Variants in SDK1 observed in about 807,000 individuals in gnomAD.
SDK1 encodes sidekick cell adhesion molecule 1.
Under a neutral mutation model 245.5 loss-of-function variants are expected in SDK1, and 157 were observed. The observed-to-expected ratio is 0.64, with a 90% CI of 0.56 to 0.73. The LOEUF (loss-of-function observed/expected upper bound fraction) is 0.73. Ranked by LOEUF, SDK1 falls within the 30% of genes least tolerant of loss-of-function variation. The pLI, the probability that SDK1 is intolerant of heterozygous loss-of-function variation, is 0.00. For synonymous variants in SDK1, 1,647 were observed against 1,278.5 expected, an observed-to-expected ratio of 1.29 and a Z score of -6.15; for missense variants, 3,583 against 3,002.3, an observed-to-expected ratio of 1.19 and a Z score of -4.52.
At chr7:4,248,200 A>G (rs1369410879) in intron 44 of SDK1, among the ~76,000 whole-genome samples, 1 of 152,136 alleles carries the variant, frequency 6.6e-6, no homozygotes, top group Non-Finnish European at 1.5e-5. Flanking sequence ...GCACGGACAC[A>G]TACACACCTG....
chr7:3,894,853 G>C (rs942283177), intron 5 of SDK1, among the ~76,000 whole-genome samples: 4 of 151,784 alleles, frequency 2.6e-5, no homozygotes, highest in Admixed American at 2.0e-4. Context: ...ACCATGCCTG[G>C]CTAATTTTTT....
intron 40 of SDK1, among the ~76,000 whole-genome samples, chr7:4,226,780 C>T (rs928490192): frequency 1.3e-5 from 2 of 152,186 alleles, no homozygotes; most frequent in Non-Finnish European, 2.9e-5. Flanking sequence ...ACAGATTATT[C>T]TAAGGCATTT....
chr7:3,841,110 A>G (rs1456634551), intron 5 of SDK1, among the ~76,000 whole-genome samples: 1 of 152,142 alleles, frequency 6.6e-6, no homozygotes, highest in Non-Finnish European at 1.5e-5. Flanking sequence ...CGAATGTGTG[A>G]CCAGTTTTAC....
chr7:4,246,823 G>A (rs575858676), intron 44 of SDK1, among the ~76,000 whole-genome samples: 6 of 152,262 alleles, frequency 3.9e-5, no homozygotes, highest in Non-Finnish European at 7.4e-5. Context: ...GGCCTCCCCT[G>A]CGCCTGGGTG....
chr7:4,098,751 C>T (rs1419154552), intron 22 of SDK1, among the ~76,000 whole-genome samples: 1 of 151,644 alleles, frequency 6.6e-6, no homozygotes, highest in East Asian at 1.9e-4. Flanking sequence ...GCAGCCTCAA[C>T]CTCCCAAGCT....
intron 13 of SDK1, among the ~76,000 whole-genome samples, chr7:3,978,812 A>G (rs1783168583): frequency 6.6e-6 from 1 of 152,212 alleles, no homozygotes; most frequent in Non-Finnish European, 1.5e-5. Flanking sequence ...TTATGACTAA[A>G]CAATGTCCTT....
At chr7:3,350,596 A>G (rs1476137309) in intron 1 of SDK1, among the ~76,000 whole-genome samples, 2 of 152,130 alleles carry the variant, frequency 1.3e-5, no homozygotes, top group African/African-American at 4.8e-5. Flanking sequence ...ATTTTTCCTA[A>G]TCAACTCTAG....
At chr7:3,445,558 T>C (rs7809103) in intron 1 of SDK1, among the ~76,000 whole-genome samples, 7 of 152,216 alleles carry the variant, frequency 4.6e-5, no homozygotes, top group African/African-American at 1.7e-4. Flanking sequence ...CAGAGAGCTC[T>C]TTGTGCTCCT....
chr7:3,844,656 A>C (rs192621504), intron 5 of SDK1, among the ~76,000 whole-genome samples: 169 of 152,338 alleles, frequency 1.1e-3, no homozygotes, highest in Non-Finnish European at 1.8e-3. Flanking sequence ...AAGAGTTTAC[A>C]CAGAAAAATC....
chr7:4,033,409 T>G (rs2128159422), intron 17 of SDK1, among the ~76,000 whole-genome samples: 1 of 152,240 alleles, frequency 6.6e-6, no homozygotes, highest in South Asian at 2.1e-4. Context: ...TGGGGAAAAC[T>G]TGTCTAACAA....
chr7:3,433,957 G>A (rs1444697635), intron 1 of SDK1, among the ~76,000 whole-genome samples: 2 of 152,122 alleles, frequency 1.3e-5, no homozygotes, highest in Admixed American at 6.5e-5. Flanking sequence ...GATACTTTGC[G>A]CATAACTACC....
chr7:3,636,595 C>T (rs991507778), intron 2 of SDK1, among the ~76,000 whole-genome samples: 24 of 152,180 alleles, frequency 1.6e-4, no homozygotes, highest in Admixed American at 1.3e-3. Flanking sequence ...CCTTTTCTTT[C>T]GCCATTCCTC....
intron 4 of SDK1, among the ~76,000 whole-genome samples, chr7:3,754,840 T>A (rs1779875254): frequency 6.6e-6 from 1 of 152,180 alleles, no homozygotes; most frequent in African/African-American, 2.4e-5. Context: ...ATACAAGAAG[T>A]TCAAAAGTTT....
At position 4,114,166 on chromosome 7, in the gene SDK1, A is replaced by G. The variant is rs1460844968; in HGVS notation, c.3715A>G (p.Ile1239Val). The G allele has an allele frequency of 2.5e-6, 4 of 1,614,196 alleles. No individual in the cohort carries two copies. The highest frequency in any genetic ancestry group is 1.7e-6 in the Non-Finnish European group (2 of 1,180,034). ...TGACCGGCTGGAGAGAGAATTCACC[A>G]TCGAGGAGCTGGAGGAGTGGATGGA... ...VSDRLEREFT[I>V]EELEEWMEYE... Residue 1239 changes from isoleucine (I) to valine (V), a missense_variant, in exon 25 of 45, where the codon ATC becomes GTC. Coordinates refer to ENST00000404826, the MANE Select transcript of SDK1 (RefSeq NM_152744.4).
chr7:4,129,641 C>A, intron 26 of SDK1: 4 of 1,331,808 alleles, frequency 3.0e-6, no homozygotes, highest in Non-Finnish European at 3.8e-6. Context: ...GTTGGGCCCT[C>A]AGATCTTGCA....
intron 5 of SDK1, among the ~76,000 whole-genome samples, chr7:3,859,697 C>A (rs2115115884): frequency 6.6e-6 from 1 of 152,258 alleles, no homozygotes; most frequent in East Asian, 1.9e-4. Flanking sequence ...AGGGGACAGC[C>A]AGATGCTCAT....
At chr7:3,780,723 C>G (rs535758568) in intron 4 of SDK1, among the ~76,000 whole-genome samples, 21 of 152,006 alleles carry the variant, frequency 1.4e-4, no homozygotes, top group African/African-American at 4.6e-4. Flanking sequence ...AAAGCCCACC[C>G]AACCACCCTG....
chr7:3,653,445 G>C (rs527424605), intron 4 of SDK1, among the ~76,000 whole-genome samples: 1 of 152,150 alleles, frequency 6.6e-6, no homozygotes, highest in Non-Finnish European at 1.5e-5. Flanking sequence ...ATTGCATGGA[G>C]GGGCAGATCA....
At chr7:4,226,936 A>ATT (rs112497435) in intron 40 of SDK1, among the ~76,000 whole-genome samples, 186 of 147,644 alleles carry the variant, frequency 1.3e-3, no homozygotes, top group South Asian at 7.1e-3. Context: ...ATTGTATTGC[A>ATT]TTTTTTTTTT....
Sources: gnomAD v4.1 joint callset for allele counts (sites outside exome capture counted in the v4.1 genomes callset) on GRCh38, gnomAD v4.1.1 for gene constraint, MANE v1.5 for transcripts, NCBI Gene and HGNC (gene_info 2026-07-23, HGNC 2026-07-21) for gene names.